IQSEC1: variants seen among roughly 807,000 people sequenced by gnomAD.
The protein encoded by IQSEC1 is IQ motif and SEC7 domain-containing protein 1.
In IQSEC1, 31 loss-of-function variants were observed where a neutral mutation model predicts 91.0. The ratio of observed to expected loss-of-function variants is 0.34; its 90% CI spans 0.26 to 0.46. IQSEC1 has a LOEUF of 0.46. IQSEC1 is among the 20% of genes least tolerant of loss of function. The pLI, the probability that IQSEC1 is intolerant of heterozygous loss-of-function variation, is 1.00. For missense variants in IQSEC1, 1,388 were observed against 1,575.6 expected, an observed-to-expected ratio of 0.88 and a Z score of 2.02; for synonymous variants, 699 against 662.6, an observed-to-expected ratio of 1.05 and a Z score of -0.84.
At chr3:12,987,923 G>A (rs1198169799) in intron 1 of IQSEC1, among the ~76,000 whole-genome samples, 1 of 152,148 alleles carries the variant, frequency 6.6e-6, no homozygotes, top group Non-Finnish European at 1.5e-5. Context: ...GACAAAGACC[G>A]ACAATGCCCA....
intron 1 of IQSEC1, among the ~76,000 whole-genome samples, chr3:13,192,169 A>C (rs1694046638): frequency 6.6e-6 from 1 of 151,778 alleles, no homozygotes; most frequent in Non-Finnish European, 1.5e-5. Flanking sequence ...CCCCGTCTCT[A>C]CTAAAAATAC....
At chr3:13,283,009 C>T (rs1695826322) in exon 1 of IQSEC1, among the ~76,000 whole-genome samples, 1 of 145,330 alleles carries the variant, frequency 6.9e-6, no homozygotes, top group African/African-American at 2.5e-5. Context: ...GCCGGCCGCG[C>T]CTCAGGCGAG....
rs13065418 is a variant in IQSEC1, at chr3:13,071,494, G to C, written c.23+1498C>G. On this transcript the variant is annotated intron_variant, in intron 1 of 13. Transcript: ENST00000613206. ...GCTCCTGGGCCCAGGCAAAGGTGTG[G>C]CAGGGAGGAGACAGCTGTCTCAGGA... Among the ~76,000 whole-genome samples the C allele has an allele frequency of 6.2e-4, 95 of 152,136 alleles. 1 individual carries two copies. The highest frequency in any genetic ancestry group is 3.4e-3 in the Middle Eastern group (1 of 294).
chr3:12,898,675 C>G lies in IQSEC1; in HGVS notation c.*2308G>C, dbSNP rs757358776. The G allele has an allele frequency of 6.6e-6, 1 of 152,294 alleles. No homozygotes were observed. Among genetic ancestry groups the G allele is most frequent in the Non-Finnish European group, 1.5e-5 (1 of 68,080 alleles). The allele number at this position is 152,294 out of a possible 1,614,324, so 9.4% of individuals were successfully genotyped here. A position where few individuals can be genotyped will look rare whatever the true frequency, so the allele number is the denominator to read the frequency against. Reference sequence around the variant, plus strand: ...CTAAAGGTTACAGTTAGACTCTCCTCCCAGCACAGAAGAGGGTGAGAAAAG... The same window carrying G: ...CTAAAGGTTACAGTTAGACTCTCCTGCCAGCACAGAAGAGGGTGAGAAAAG... On this transcript the variant is annotated 3_prime_UTR_variant, in exon 14 of 14. Coordinates refer to ENST00000613206, the MANE Select transcript of IQSEC1 (RefSeq NM_001134382.3).
At chr3:13,090,031 C>T (rs980630204) in intron 2 of IQSEC1, among the ~76,000 whole-genome samples, 28 of 151,928 alleles carry the variant, frequency 1.8e-4, no homozygotes, top group African/African-American at 6.0e-4. Flanking sequence ...CTGGCTAACA[C>T]GGTGAAACCC....
At chr3:13,088,504 T>C (rs1459909773) in intron 2 of IQSEC1, among the ~76,000 whole-genome samples, 1 of 151,610 alleles carries the variant, frequency 6.6e-6, no homozygotes, top group Non-Finnish European at 1.5e-5. Flanking sequence ...CCCTCCCTGG[T>C]TCCTGTCGCC....
intron 3 of IQSEC1, among the ~76,000 whole-genome samples, chr3:12,934,538 C>G (rs558391125): frequency 1.0e-3 from 157 of 152,266 alleles, no homozygotes; most frequent in Non-Finnish European, 2.0e-3. Context: ...TCGTCTGCCC[C>G]TGGCTCCCCG....
chr3:13,189,375 G>A (rs932789863), intron 1 of IQSEC1, among the ~76,000 whole-genome samples: 2 of 150,990 alleles, frequency 1.3e-5, no homozygotes, highest in African/African-American at 2.4e-5. Flanking sequence ...TGACGGTTGA[G>A]GTCCTGCTCC....
chr3:12,961,471 C>T (rs566601189), intron 1 of IQSEC1, among the ~76,000 whole-genome samples: 17 of 152,322 alleles, frequency 1.1e-4, no homozygotes, highest in African/African-American at 3.8e-4. Context: ...TTGGACAGCA[C>T]GCTACAAGCA....
rs1693962178 is a variant in IQSEC1, at chr3:12,899,212, C to T, written c.*1771G>A. ...GGCAAAACCCTGGCCAGCCAGCCAG[C>T]CAAGGTGACACACAGCCAGAGGGGG... On this transcript the variant is annotated 3_prime_UTR_variant, in exon 14 of 14. Transcript: ENST00000613206. The T allele has an allele frequency of 1.5e-6, 1 of 665,812 alleles. No homozygotes were observed. The highest frequency in any genetic ancestry group is 2.6e-6 in the Non-Finnish European group (1 of 390,084). The allele number at this position is 665,812 out of a possible 1,614,324, so 41.2% of individuals were successfully genotyped here. A position where few individuals can be genotyped will look rare whatever the true frequency, so the allele number is the denominator to read the frequency against.
At chr3:12,923,368 G>A (rs565776488) in intron 4 of IQSEC1, among the ~76,000 whole-genome samples, 9 of 152,274 alleles carry the variant, frequency 5.9e-5, no homozygotes, top group Admixed American at 1.3e-4. Context: ...CTTTCCCCTG[G>A]ACCTTTCCTC....
chr3:12,927,696 G>A (rs1697283226), intron 3 of IQSEC1, among the ~76,000 whole-genome samples: 1 of 152,268 alleles, frequency 6.6e-6, no homozygotes, highest in Non-Finnish European at 1.5e-5. Flanking sequence ...TCAGGATTAG[G>A]TGAGCACCAT....
chr3:12,977,205 G>A (rs541498246), intron 1 of IQSEC1, among the ~76,000 whole-genome samples: 13 of 152,130 alleles, frequency 8.5e-5, no homozygotes, highest in East Asian at 5.8e-4. Flanking sequence ...AAAATTAGCC[G>A]GGTGTGGTGG....
At chr3:13,175,561 G>GGGACTGGATTCCCTTTGTGAATAT (rs1559270309) in intron 1 of IQSEC1, among the ~76,000 whole-genome samples, 2 of 152,220 alleles carry the variant, frequency 1.3e-5, no homozygotes, top group Admixed American at 6.5e-5. Flanking sequence ...TTCAACCAGT[G>GGGACTGGATTCCCTTTGTGAATAT]GGACTGGATT....
intron 2 of IQSEC1, among the ~76,000 whole-genome samples, chr3:13,113,427 G>C (rs771075029): frequency 1.3e-5 from 2 of 152,226 alleles, no homozygotes; most frequent in Non-Finnish European, 2.9e-5. Context: ...AAGTGGGGAT[G>C]ACGCTTGCCC....
At position 13,103,392 on chromosome 3, in the gene IQSEC1, A is replaced by G. The variant is rs1003292032; in HGVS notation, c.303-55870T>C. Among the ~76,000 whole-genome samples, 1 of 152,008 alleles carries G rather than the reference A, an allele frequency of 6.6e-6. No homozygotes were observed. Among genetic ancestry groups the G allele is most frequent in the Non-Finnish European group, 1.5e-5 (1 of 67,962 alleles). On this transcript the variant is annotated intron_variant, in intron 2 of 15. Transcript: ENST00000648114. This position sits in a 1 kb window ranked among gnomAD's most constrained non-coding sequence, Gnocchi z 4.1. Reference sequence around the variant, plus strand: ...CACCCTCTCCCCTCCACCTCTGTGGACCACAGACCACTAGCTCCACCAGCC... The same window carrying G: ...CACCCTCTCCCCTCCACCTCTGTGGGCCACAGACCACTAGCTCCACCAGCC...
intron 1 of IQSEC1, among the ~76,000 whole-genome samples, chr3:13,256,732 CACAG>C (rs1695292303): frequency 6.6e-6 from 1 of 152,196 alleles, no homozygotes; most frequent in Non-Finnish European, 1.5e-5. Context: ...GAAAGTGGAC[CACAG>C]ACAGAAACCA....
intron 3 of IQSEC1, among the ~76,000 whole-genome samples, chr3:12,926,589 C>T (rs1405965173): frequency 6.6e-6 from 1 of 152,220 alleles, no homozygotes; most frequent in Non-Finnish European, 1.5e-5. Flanking sequence ...TCATGGCACA[C>T]CTAGAACCTG....
chr3:13,146,821 G>A (rs949903998), intron 2 of IQSEC1, among the ~76,000 whole-genome samples: 3 of 152,154 alleles, frequency 2.0e-5, no homozygotes, highest in African/African-American at 7.2e-5. Flanking sequence ...GTGACAGAGT[G>A]AGACTCTGTC....
Sources: allele counts gnomAD v4.1 joint callset (sites outside exome capture counted in the v4.1 genomes callset), GRCh38; gene constraint gnomAD v4.1.1; non-coding constraint Gnocchi (gnomAD v3.1); transcripts MANE v1.5; gene names NCBI Gene and HGNC (gene_info 2026-07-23, HGNC 2026-07-21).